The following PRKG1 variants were observed in gnomAD, a reference collection of about 807,000 sequenced individuals.
The protein encoded by PRKG1 is cGMP-dependent protein kinase 1.
Under a neutral mutation model 88.1 loss-of-function variants are expected in PRKG1, and 35 were observed. The ratio of observed to expected loss-of-function variants is 0.40; its 90% confidence interval spans 0.30 to 0.53. PRKG1 has a LOEUF of 0.53. PRKG1 is among the 20% of genes least tolerant of loss of function. The pLI is 0.59. For missense variants in PRKG1, 540 were observed against 839.8 expected, an observed-to-expected ratio of 0.64 and a Z score of 4.41; for synonymous variants, 303 against 292.5, an observed-to-expected ratio of 1.04 and a Z score of -0.37.
intron 5 of PRKG1, among the ~76,000 whole-genome samples, chr10:51,934,916 G>A (rs2133013706): frequency 6.6e-6 from 1 of 152,246 alleles, no homozygotes; most frequent in East Asian, 1.9e-4. Context: ...TAATCAATAA[G>A]CCAGGACAGA....
intron 3 of PRKG1, among the ~76,000 whole-genome samples, chr10:51,790,033 G>A (rs558868871): frequency 6.6e-5 from 10 of 152,224 alleles, no homozygotes; most frequent in African/African-American, 1.9e-4. Flanking sequence ...GTGTTGGCCA[G>A]GCTGATGTCG....
At chr10:52,265,040 C>G (rs1316421916) in intron 10 of PRKG1, among the ~76,000 whole-genome samples, 1 of 152,062 alleles carries the variant, frequency 6.6e-6, no homozygotes, top group Non-Finnish European at 1.5e-5. Flanking sequence ...ATATAATTAA[C>G]ATGCTTTAAA....
chr10:51,766,904 C>T (rs373126815), intron 3 of PRKG1, among the ~76,000 whole-genome samples: 1 of 152,142 alleles, frequency 6.6e-6, no homozygotes, highest in African/African-American at 2.4e-5. Flanking sequence ...AGGACTGACA[C>T]CCTTTCTCTG....
rs192379375 is a variant in PRKG1 at position 51,382,176 on chromosome 10, T to A, written c.479-85547T>A. ...AAAGGACTTAAAATTGAGAAAAAAA[T>A]TTCAAATTTAAAGAGTTATGAATAA... On this transcript the variant is annotated intron_variant, in intron 2 of 17. Coordinates refer to ENST00000373980, the MANE Select transcript of PRKG1 (RefSeq NM_006258.4). 6.6e-4 allele frequency among the ~76,000 whole-genome samples: 100 copies of A among 152,168 alleles called. 1 individual carries two copies. The East Asian group carries it at 0.018, about 27-fold the overall frequency.
intron 2 of PRKG1, among the ~76,000 whole-genome samples, chr10:51,432,112 C>T (rs2132727310): frequency 6.6e-6 from 1 of 152,130 alleles, no homozygotes; most frequent in East Asian, 1.9e-4. Flanking sequence ...ATGGAGTATG[C>T]CGCAATCAAG....
At chr10:51,178,916 CATA>C (rs1242374177) in intron 2 of PRKG1, among the ~76,000 whole-genome samples, 1 of 152,138 alleles carries the variant, frequency 6.6e-6, no homozygotes, top group Non-Finnish European at 1.5e-5. Flanking sequence ...CATTTGTATG[CATA>C]ATATTAGTAC....
chr10:51,937,528 A>C (rs554630042), intron 5 of PRKG1, among the ~76,000 whole-genome samples: 13 of 152,196 alleles, frequency 8.5e-5, no homozygotes, highest in Middle Eastern at 3.4e-3. Context: ...TTCCAGTCTG[A>C]CTTAAGAAAT....
chr10:51,466,395 AG>A (rs999871878), intron 2 of PRKG1, among the ~76,000 whole-genome samples: 2 of 152,032 alleles, frequency 1.3e-5, no homozygotes, highest in Admixed American at 6.6e-5. Context: ...TTACATACAG[AG>A]GGGCATGCAT....
At chr10:52,022,683 T>C (rs922635533) in intron 5 of PRKG1, among the ~76,000 whole-genome samples, 2 of 152,154 alleles carry the variant, frequency 1.3e-5, no homozygotes, top group Non-Finnish European at 1.5e-5. Flanking sequence ...AATATTTTTC[T>C]CCTACAAAAT....
chr10:52,296,460 G>C lies in PRKG1; in HGVS notation c.*2560G>C, dbSNP rs1842385657. On this transcript the variant is annotated 3_prime_UTR_variant, in exon 18 of 18. Transcript: ENST00000373980. The stretch of plus-strand genomic sequence containing the variant: ...CAACAGAAAACATTCGTCTAATTTT[G>C]TCAACATTGAATTTTTAGGATTTAA... 1 of 151,998 alleles carries C rather than the reference G, an allele frequency of 6.6e-6. No homozygotes were observed. The highest frequency in any genetic ancestry group is 1.5e-5 in the Non-Finnish European group (1 of 67,932). The allele number at this position is 151,998 out of a possible 1,614,324, so 9.4% of individuals were successfully genotyped here. A position where few individuals can be genotyped will look rare whatever the true frequency, so the allele number is the denominator to read the frequency against.
rs1842969466 is a variant in PRKG1 at position 51,009,365 on chromosome 10, CATT to C, written c.266+17725_266+17727del. On this transcript the variant is annotated intron_variant, in intron 1 of 17. Coordinates refer to the PRKG1 transcript ENST00000401604. Reference sequence around the variant, plus strand: ...TAGGGATAAACTATTTTTAAGTTAACATTATTCTCTGCATTTAAAAGTAGAATT... The same window carrying C: ...TAGGGATAAACTATTTTTAAGTTAACATTCTCTGCATTTAAAAGTAGAATT... Among the ~76,000 whole-genome samples the C allele has an allele frequency of 2.0e-5, 3 of 152,264 alleles. No homozygotes were observed. The South Asian group carries it at 6.2e-4, about 32-fold the overall frequency.
chr10:51,194,186 G>T (rs1341734532), intron 2 of PRKG1, among the ~76,000 whole-genome samples: 1 of 150,792 alleles, frequency 6.6e-6, no homozygotes, highest in Non-Finnish European at 1.5e-5. Context: ...GTGTATTTTG[G>T]CACACAGTAG....
chr10:51,158,044 T>C (rs547629775), intron 2 of PRKG1, among the ~76,000 whole-genome samples: 1 of 152,014 alleles, frequency 6.6e-6, no homozygotes, highest in Non-Finnish European at 1.5e-5. Flanking sequence ...TTGTAGCTCT[T>C]TGGAAGTACA....
At chr10:51,115,759 C>T (rs1460251340) in intron 1 of PRKG1, among the ~76,000 whole-genome samples, 3 of 151,228 alleles carry the variant, frequency 2.0e-5, no homozygotes, top group Non-Finnish European at 1.5e-5. Context: ...ATTACTTGAA[C>T]CTGGAGGTGG....
intron 2 of PRKG1, among the ~76,000 whole-genome samples, chr10:51,353,403 C>T (rs893348996): frequency 2.0e-5 from 3 of 151,644 alleles, no homozygotes; most frequent in African/African-American, 7.3e-5. Flanking sequence ...CTCCGTCTGA[C>T]AAGGGATTAA....
At chr10:51,121,415 T>G (rs895566556) in intron 1 of PRKG1, among the ~76,000 whole-genome samples, 1 of 152,152 alleles carries the variant, frequency 6.6e-6, no homozygotes, top group Non-Finnish European at 1.5e-5. Flanking sequence ...TGAGTTTTTC[T>G]CTCTCTGCAT....
rs184465071 is a variant in PRKG1, at chr10:51,605,152, G to T, written c.592+137316G>T. Among the ~76,000 whole-genome samples, 217 of 152,292 alleles carry T rather than the reference G, an allele frequency of 1.4e-3. 3 individuals carry two copies. In the South Asian group the frequency reaches 0.024, roughly 17 times the overall value. ...ATCACTGGTCTGGTGGTGTCTGTTGGTGTCCGCAGGTCTGCTCCTCTGCTC... is the reference window on the plus strand; with the variant it reads ...ATCACTGGTCTGGTGGTGTCTGTTGTTGTCCGCAGGTCTGCTCCTCTGCTC... On this transcript the variant is annotated intron_variant, in intron 3 of 17. Transcript: ENST00000373980.
intron 3 of PRKG1, among the ~76,000 whole-genome samples, chr10:51,720,640 A>G (rs1157194092): frequency 2.0e-5 from 3 of 152,194 alleles, no homozygotes; most frequent in Non-Finnish European, 4.4e-5. Context: ...TTGGAACAAC[A>G]TGTGCAACTG....
At chr10:52,050,552 A>G (rs1376482409) in intron 5 of PRKG1, among the ~76,000 whole-genome samples, 4 of 152,190 alleles carry the variant, frequency 2.6e-5, no homozygotes, top group African/African-American at 9.7e-5. Context: ...TAAACGTTTC[A>G]GAATAGCTTA....
Sources: allele counts gnomAD v4.1 joint callset (sites outside exome capture counted in the v4.1 genomes callset), GRCh38; gene constraint gnomAD v4.1.1; transcripts MANE v1.5; gene names NCBI Gene and HGNC (gene_info 2026-07-23, HGNC 2026-07-21).